The following NSL1 variants were observed in gnomAD, a reference collection of about 807,000 sequenced individuals.
NSL1 encodes the protein kinetochore-associated protein NSL1 homolog.
In NSL1, 11 loss-of-function variants were observed where a neutral mutation model predicts 25.4. That is an observed-to-expected ratio of 0.43 (90% CI 0.27 to 0.72). The LOEUF (loss-of-function observed/expected upper bound fraction) is 0.72, where lower values mean the gene tolerates loss of function less well. Among genes scored for constraint, NSL1 ranks in the 30% least tolerant of loss-of-function variants. The probability of loss-of-function intolerance (pLI) is 0.19; values close to 1 mark genes in which losing one functional copy is unlikely to be tolerated. For synonymous variants in NSL1, 118 were observed against 120.6 expected (o/e 0.98, Z 0.14); for missense variants, 330 against 342.7 (o/e 0.96, Z 0.29).
intron 4 of NSL1, among the ~76,000 whole-genome samples, chr1:212,770,151 C>A (rs1341515934): frequency 6.6e-6 from 1 of 152,030 alleles, no homozygotes; most frequent in Non-Finnish European, 1.5e-5. Context: ...TATAATAATT[C>A]TAAATATATA....
intron 2 of NSL1, among the ~76,000 whole-genome samples, chr1:212,785,810 T>C (rs1023514184): frequency 6.6e-6 from 1 of 152,192 alleles, no homozygotes; most frequent in African/African-American, 2.4e-5. Context: ...AAGCTAGAAA[T>C]GGACCTATTT....
rs147567238 is a variant in NSL1, at chr1:212,768,048, G to A, written c.499+14324C>T. On this transcript the variant is annotated intron_variant, in intron 4 of 5. Coordinates refer to ENST00000366977, the MANE Select transcript of NSL1 (RefSeq NM_015471.4). ...AAAAACTAAAAGCAGGGCCGGGCACGGCGGCTCACACCTGTAATCCCAGCA... is the reference window on the plus strand; with the variant it reads ...AAAAACTAAAAGCAGGGCCGGGCACAGCGGCTCACACCTGTAATCCCAGCA... Among the ~76,000 whole-genome samples the A allele has an allele frequency of 6.0e-3, 915 of 152,230 alleles. 10 individuals are homozygous for A. Among genetic ancestry groups the A allele is most frequent in the African/African-American group, 0.02 (834 of 41,558 alleles).
At chr1:212,782,663 GTA>G (rs951929069) in intron 3 of NSL1, among the ~76,000 whole-genome samples, 1 of 152,120 alleles carries the variant, frequency 6.6e-6, no homozygotes, top group Non-Finnish European at 1.5e-5. Flanking sequence ...CCATAAAAAA[GTA>G]TAATCAGAAA....
At chr1:212,762,435 A>G (rs1659619786) in intron 4 of NSL1, among the ~76,000 whole-genome samples, 1 of 152,102 alleles carries the variant, frequency 6.6e-6, no homozygotes, top group Non-Finnish European at 1.5e-5. Flanking sequence ...TTATTTATTT[A>G]CTTTCCAAGA....
intron 3 of NSL1, among the ~76,000 whole-genome samples, chr1:212,783,804 A>C (rs996691153): frequency 6.6e-6 from 1 of 152,176 alleles, no homozygotes. Flanking sequence ...AAGGAAGTCT[A>C]CGGCTCTGCT....
Position 212,733,960 on chromosome 1 carries a change from T to C in NSL1, c.*4448A>G, listed in dbSNP as rs1028251711. On this transcript the variant is annotated 3_prime_UTR_variant, in exon 6 of 6. Transcript: ENST00000366977. ...ATGAACTTATTCTCTTTATTCTTAC[T>C]TTTCTAATTTGCCATTTCTTAATCT... Among the ~76,000 whole-genome samples the C allele has an allele frequency of 2.0e-5, 3 of 152,212 alleles. No homozygotes were observed. The highest frequency in any genetic ancestry group is 7.2e-5 in the African/African-American group (3 of 41,456).
At chr1:212,738,775 T>G in intron 5 of NSL1, 89 bp from the exon 6 acceptor site, 2 of 1,167,612 alleles carry the variant, frequency 1.7e-6, no homozygotes, top group Non-Finnish European at 2.4e-6. Context: ...AATTTTTTTT[T>G]TTTTTCTTGA....
intron 4 of NSL1, chr1:212,781,799 A>T (rs2102401214): frequency 5.5e-6 from 1 of 182,246 alleles, no homozygotes; most frequent in Admixed American, 5.5e-5. Context: ...AATATACATA[A>T]TCCACATTTT....
intron 4 of NSL1, among the ~76,000 whole-genome samples, chr1:212,748,316 T>G (rs576037477): frequency 6.6e-6 from 1 of 152,300 alleles, no homozygotes; most frequent in South Asian, 2.1e-4. Flanking sequence ...TTCAGAAAAC[T>G]TTTTAGTAAT....
intron 4 of NSL1, among the ~76,000 whole-genome samples, chr1:212,745,664 T>C (rs1168314052): frequency 1.4e-5 from 2 of 144,818 alleles, no homozygotes; most frequent in Non-Finnish European, 3.0e-5. Flanking sequence ...CATTTCCAGA[T>C]AAAAACTGAG....
In NSL1 at chr1:212,735,371, G is replaced by T. The variant is rs1658192337; in HGVS notation, c.*3037C>A. 1 of 985,302 alleles carries T rather than the reference G, an allele frequency of 1.0e-6. No homozygotes were observed. Among genetic ancestry groups the T allele is most frequent in the Non-Finnish European group, 1.2e-6 (1 of 829,916 alleles). The allele number at this position is 985,302 out of a possible 1,614,324, so 61.0% of individuals were successfully genotyped here. A position where few individuals can be genotyped will look rare whatever the true frequency, so the allele number is the denominator to read the frequency against. ...TAAATGAATGAAGGTGGATAGAGAA[G>T]ATAGGTGTTCACCAGAAATCAAACA... On this transcript the variant is annotated 3_prime_UTR_variant, in exon 6 of 6. Coordinates refer to ENST00000366977, the MANE Select transcript of NSL1 (RefSeq NM_015471.4).
rs61829242 is a variant in NSL1, at chr1:212,786,129, T to G, written c.313+1430A>C. On this transcript the variant is annotated intron_variant, in intron 2 of 5. Coordinates refer to ENST00000366977, the MANE Select transcript of NSL1 (RefSeq NM_015471.4). ...CCTCCCTCCTTCTTTCCTAGATAGA[T>G]AGATAGAGAGAGAGACACACACAGA... is the stretch of plus-strand genomic sequence containing the variant. Among the ~76,000 whole-genome samples the G allele has an allele frequency of 8.6e-3, 679 of 78,980 alleles. 8 individuals carry two copies. The highest frequency in any genetic ancestry group is 0.018 in the African/African-American group (648 of 35,872). The allele number at this position is 78,980 out of a possible 152,430, so 51.8% of individuals were successfully genotyped here.
At chr1:212,747,003 G>A (rs1658825789) in intron 4 of NSL1, among the ~76,000 whole-genome samples, 2 of 152,122 alleles carry the variant, frequency 1.3e-5, no homozygotes, top group Admixed American at 6.5e-5. Flanking sequence ...AAATTAGCCA[G>A]GCATGGAGGT....
chr1:212,778,610 G>A (rs566753538), intron 4 of NSL1, among the ~76,000 whole-genome samples: 4 of 151,854 alleles, frequency 2.6e-5, no homozygotes, highest in African/African-American at 7.2e-5. Context: ...TGTGTTGGCC[G>A]GGCTGGTCTC....
chr1:212,735,845 T>C lies in NSL1; in HGVS notation c.*2563A>G. ...AAGACAGCCCTCACCAGAAACTGCA[T>C]TTGCCAGCACCTTCTCATGGACTTC... is the stretch of plus-strand genomic sequence containing the variant. On this transcript the variant is annotated 3_prime_UTR_variant, in exon 6 of 6. Transcript: ENST00000366977. 1 of 674,972 alleles carries C rather than the reference T, an allele frequency of 1.5e-6. No homozygotes were observed. Among genetic ancestry groups the C allele is most frequent in the Non-Finnish European group, 1.8e-6 (1 of 546,566 alleles). 41.8% of individuals were successfully genotyped at this position (674,972 alleles called of 1,614,324 possible).
chr1:212,750,566 G>A (rs2102442068), intron 4 of NSL1, among the ~76,000 whole-genome samples: 1 of 152,248 alleles, frequency 6.6e-6, no homozygotes, highest in South Asian at 2.1e-4. Context: ...GTTTAAAAAT[G>A]GATCTGAGAG....
At position 212,728,602 on chromosome 1, in the gene NSL1, A is replaced by G. The variant is rs967166224; in HGVS notation, c.*9806T>C. 3 of 985,354 alleles carry G rather than the reference A, an allele frequency of 3.0e-6. No homozygotes were observed. In the African/African-American group the frequency reaches 5.2e-5, roughly 17 times the overall value. The allele number at this position is 985,354 out of a possible 1,614,324, so 61.0% of individuals were successfully genotyped here. A position where few individuals can be genotyped will look rare whatever the true frequency, so the allele number is the denominator to read the frequency against. On this transcript the variant is annotated 3_prime_UTR_variant, in exon 6 of 6. Coordinates refer to ENST00000366977, the MANE Select transcript of NSL1 (RefSeq NM_015471.4). ...GAGAAAAGGAGTTTTATGTTAGGAA[A>G]AAAATGGTTTCTGAGAATTCTGAGG...
chr1:212,782,111 G>T, intron 4 of NSL1: 1 of 687,226 alleles, frequency 1.5e-6, no homozygotes. Flanking sequence ...GTTAGAGATG[G>T]GTATGTGTTA....
chr1:212,780,500 TAAAAAAAAAAAAAAAGG>T (rs1021553598), intron 4 of NSL1, among the ~76,000 whole-genome samples: 2 of 80,462 alleles, frequency 2.5e-5, no homozygotes, highest in Non-Finnish European at 5.4e-5. Context: ...GAATGATCAA[TAAAAAAAAAAAAAAAGG>T]AAAAAAAAAA....
Sources: gnomAD v4.1 joint callset for allele counts (sites outside exome capture counted in the v4.1 genomes callset) on GRCh38, gnomAD v4.1.1 for gene constraint, MANE v1.5 for transcripts, NCBI Gene and HGNC (gene_info 2026-07-23, HGNC 2026-07-21) for gene names.